CD99: variants seen among roughly 807,000 people sequenced by gnomAD.
CD99 encodes the protein CD99 molecule (Xg blood group).
In CD99, 19 loss-of-function variants were observed where a neutral mutation model predicts 28.4. That is an observed-to-expected ratio of 0.67 (90% confidence interval 0.47 to 0.98). The LOEUF (loss-of-function observed/expected upper bound fraction) is 0.98, where lower values mean the gene tolerates loss of function less well. CD99 is among the 50% of genes least tolerant of loss of function. The pLI, the probability that CD99 is intolerant of heterozygous loss-of-function variation, is 0.00. For synonymous variants in CD99, 103 were observed against 92.1 expected, an observed-to-expected ratio of 1.12 and a Z score of -0.67; for missense variants, 283 against 248.8, an observed-to-expected ratio of 1.14 and a Z score of -0.92.
intron 1 of CD99, among the ~76,000 whole-genome samples, chrX:2,709,578 A>G (rs1284188218): frequency 2.8e-4 from 43 of 152,392 alleles, no homozygotes; most frequent in East Asian, 1.9e-4. Flanking sequence ...CCCACACCAT[A>G]CACCCACACA....
At chrX:2,712,983 C>A (rs1010041862) in intron 1 of CD99, among the ~76,000 whole-genome samples, 1 of 151,812 alleles carries the variant, frequency 6.6e-6, no homozygotes, top group Admixed American at 6.6e-5. Context: ...CATACACACA[C>A]AAACCCACAA....
rs1449611452 is a variant in CD99, at chrX:2,723,299, GT to G, written c.311-10del. On this transcript the variant is annotated splice_polypyrimidine_tract_variant and intron_variant, in intron 6 of 9. Coordinates refer to ENST00000381192, the MANE Select transcript of CD99 (RefSeq NM_002414.5). ...CCCAAACCTTCCCATTGCAGACGTT[GT>G]TTTTGTCTTGCAGGAAAAGGAGGCA... The G allele has an allele frequency of 9.3e-6, 15 of 1,613,814 alleles. No homozygotes were observed. Among genetic ancestry groups the G allele is most frequent in the Non-Finnish European group, 1.2e-5 (14 of 1,179,832 alleles).
chrX:2,714,342 C>A, intron 1 of CD99, 80 bp from the exon 2 acceptor site: 1 of 1,140,310 alleles, frequency 8.8e-7, no homozygotes, highest in African/African-American at 1.5e-5. Context: ...AGAAAAATCG[C>A]ATATCTTTTT....
intron 5 of CD99, 24 bp from the exon 6 acceptor site, chrX:2,722,603 G>T (rs1380521303): frequency 1.9e-6 from 3 of 1,612,940 alleles, no homozygotes; most frequent in Middle Eastern, 1.6e-4. Context: ...AGGTTGACAG[G>T]TGATGCTGTA....
At chrX:2,720,502 A>C (rs2048940906) in intron 5 of CD99, 78 bp downstream of exon 5, 1 of 1,364,836 alleles carries the variant, frequency 7.3e-7, no homozygotes, top group African/African-American at 1.4e-5. Context: ...AGAGGAGGTG[A>C]TTTCAGATGA....
At chrX:2,700,813 T>A (rs1039745470) in intron 1 of CD99, among the ~76,000 whole-genome samples, 8 of 150,580 alleles carry the variant, frequency 5.3e-5, no homozygotes, top group African/African-American at 2.0e-4. Flanking sequence ...GTTCACCCAT[T>A]CATCTATCCA....
At chrX:2,733,731 A>G (rs2049795420) in intron 8 of CD99, 1 of 344,484 alleles carries the variant, frequency 2.9e-6, no homozygotes, top group Non-Finnish European at 5.3e-6. Context: ...CAAGGGAACA[A>G]ACTGGGGCCC....
intron 9 of CD99, among the ~76,000 whole-genome samples, chrX:2,740,313 A>G (rs2050140751): frequency 6.6e-6 from 1 of 152,228 alleles, no homozygotes; most frequent in East Asian, 1.9e-4. Flanking sequence ...TTCTGCCACC[A>G]TTGTTCTTAA....
At chrX:2,707,749 A>G (rs1471779984) in intron 1 of CD99, among the ~76,000 whole-genome samples, 1 of 152,214 alleles carries the variant, frequency 6.6e-6, no homozygotes, top group Non-Finnish European at 1.5e-5. Flanking sequence ...AACGTGCAAC[A>G]CAGGCACCTG....
chrX:2,709,608 G>A (rs185801800), intron 1 of CD99, among the ~76,000 whole-genome samples: 608 of 152,342 alleles, frequency 4.0e-3, no homozygotes, highest in African/African-American at 7.5e-3. Flanking sequence ...GAGCACACAC[G>A]TGCACACACA....
At chrX:2,715,748 C>G (rs979069407) in intron 2 of CD99, among the ~76,000 whole-genome samples, 9 of 152,122 alleles carry the variant, frequency 5.9e-5, no homozygotes, top group African/African-American at 1.9e-4. Context: ...CTTCTCCCAG[C>G]TTTTGAGGGC....
At position 2,740,809 on chromosome X, in the gene CD99, T is replaced by C; in HGVS notation, c.*5T>C. The C allele has an allele frequency of 6.2e-7, 1 of 1,613,928 alleles. No individual in the cohort carries two copies. The highest frequency in any genetic ancestry group is 8.5e-7 in the Non-Finnish European group (1 of 1,179,840). ...CGTACTCTTTTAGAGAAATAGAAGA[T>C]TGTCGGCAGAAACAGCCCAGGCGTT... On this transcript the variant is annotated 3_prime_UTR_variant, in exon 10 of 10. Coordinates refer to ENST00000381192, the MANE Select transcript of CD99 (RefSeq NM_002414.5).
chrX:2,722,611 G>A lies in CD99; in HGVS notation c.263-16G>A. The A allele has an allele frequency of 6.2e-7, 1 of 1,613,696 alleles. No individual in the cohort carries two copies. On this transcript the variant is annotated splice_polypyrimidine_tract_variant and intron_variant, in intron 5 of 9. Coordinates refer to ENST00000381192, the MANE Select transcript of CD99 (RefSeq NM_002414.5). ...GAGTTCCAGGTTGACAGGTGATGCTGTATTTTCTTTCCTAGGTAGCTTTTC... is the reference window on the plus strand; with the variant it reads ...GAGTTCCAGGTTGACAGGTGATGCTATATTTTCTTTCCTAGGTAGCTTTTC...
At chrX:2,733,468 C>T in intron 8 of CD99, 1 of 1,338,204 alleles carries the variant, frequency 7.5e-7, no homozygotes, top group Non-Finnish European at 1.0e-6. Context: ...CTTCCATCTG[C>T]CGCTCCCCTC....
intron 1 of CD99, among the ~76,000 whole-genome samples, chrX:2,696,096 T>C (rs1346144502): frequency 6.6e-6 from 1 of 152,240 alleles, no homozygotes; most frequent in South Asian, 2.1e-4. Flanking sequence ...CTAGCTGCTC[T>C]AGTACCCTCA....
At chrX:2,711,247 G>C (rs1434822847) in intron 1 of CD99, among the ~76,000 whole-genome samples, 1 of 146,664 alleles carries the variant, frequency 6.8e-6, no homozygotes, top group African/African-American at 2.5e-5. Flanking sequence ...ATATATATGT[G>C]TATATATATA....
At chrX:2,713,303 A>G (rs1367184000) in intron 1 of CD99, among the ~76,000 whole-genome samples, 1 of 129,500 alleles carries the variant, frequency 7.7e-6, no homozygotes, top group African/African-American at 2.5e-5. Context: ...ACTGACACAT[A>G]TGCACACAAA....
At chrX:2,732,230 G>A (rs1192491002) in intron 8 of CD99, among the ~76,000 whole-genome samples, 1 of 152,112 alleles carries the variant, frequency 6.6e-6, no homozygotes, top group African/African-American at 2.4e-5. Context: ...GCATCTGGGT[G>A]TGTTGGCTTC....
chrX:2,692,107 A>G (rs2047338801), intron 1 of CD99: 4 of 598,288 alleles, frequency 6.7e-6, no homozygotes, highest in South Asian at 4.1e-5. Context: ...GCAGGGAAGA[A>G]AGAGCCACGG....
Sources: allele counts gnomAD v4.1 joint callset (sites outside exome capture counted in the v4.1 genomes callset), GRCh38; gene constraint gnomAD v4.1.1; transcripts MANE v1.5; gene names NCBI Gene and HGNC (gene_info 2026-07-23, HGNC 2026-07-21).